The following FABP7 variants were observed in gnomAD, a reference collection of about 807,000 sequenced individuals.
The protein encoded by FABP7 is fatty acid-binding protein, brain.
FABP7 carries 13 observed loss-of-function variants against 14.2 expected under a neutral mutation model. That is an observed-to-expected ratio of 0.91 (90% confidence interval 0.59 to 1.45). The LOEUF is 1.45. FABP7 is among the 40% of genes most tolerant of loss of function. FABP7 has a pLI of 0.00. For missense variants in FABP7, 149 were observed against 157.6 expected, an observed-to-expected ratio of 0.95 and a Z score of 0.29; for synonymous variants, 49 against 51.4, an observed-to-expected ratio of 0.95 and a Z score of 0.20.
chr6:122,766,477 A>C, the FABP7 span, among the ~76,000 whole-genome samples: 1 of 152,110 alleles, frequency 6.6e-6, no homozygotes, highest in Non-Finnish European at 1.5e-5. Context: ...CAGACCTAGC[A>C]TCCCACATCC....
At chr6:122,783,416 C>T (rs181612375) in intron 3 of FABP7, 19 of 984,716 alleles carry the variant, frequency 1.9e-5, no homozygotes, top group African/African-American at 7.0e-5. Context: ...GAGAAAACAA[C>T]GTAGACACTC....
At chr6:122,774,436 A>G in the FABP7 span, among the ~76,000 whole-genome samples, 1 of 151,448 alleles carries the variant, frequency 6.6e-6, no homozygotes, top group Admixed American at 6.6e-5. Flanking sequence ...GATTTGTTAA[A>G]TGTTAAATCC....
chr6:122,781,738 C>T (rs1461388467), intron 3 of FABP7: 1 of 745,160 alleles, frequency 1.3e-6, no homozygotes, highest in East Asian at 1.8e-4. Flanking sequence ...TCAGTGATAA[C>T]CCTTTTTTTT....
At chr6:122,760,727 A>AT in the FABP7 span, among the ~76,000 whole-genome samples, 2 of 152,140 alleles carry the variant, frequency 1.3e-5, no homozygotes, top group African/African-American at 4.8e-5. Flanking sequence ...TACAAACAGC[A>AT]AATATCTTAA....
the FABP7 span, among the ~76,000 whole-genome samples, chr6:122,757,654 A>G: frequency 6.6e-6 from 1 of 151,976 alleles, no homozygotes; most frequent in African/African-American, 2.4e-5. Context: ...TGAAGTTCAG[A>G]TAAAAACAAG....
At chr6:122,781,851 A>G in intron 3 of FABP7, 3 of 447,944 alleles carry the variant, frequency 6.7e-6, no homozygotes, top group Non-Finnish European at 5.8e-6. Context: ...AAGCGATTCT[A>G]CAACCTCAGC....
the FABP7 span, among the ~76,000 whole-genome samples, chr6:122,769,279 T>C: frequency 6.6e-6 from 1 of 152,160 alleles, no homozygotes; most frequent in Non-Finnish European, 1.5e-5. Flanking sequence ...TAATTTCCTT[T>C]TATATATTAC....
chr6:122,759,654 G>A, the FABP7 span, among the ~76,000 whole-genome samples: 1 of 152,206 alleles, frequency 6.6e-6, no homozygotes, highest in Admixed American at 6.5e-5. Context: ...CTGAGGCACA[G>A]AGAAGTTAAA....
At chr6:122,766,375 G>A in the FABP7 span, among the ~76,000 whole-genome samples, 2 of 152,164 alleles carry the variant, frequency 1.3e-5, no homozygotes, top group East Asian at 1.9e-4. Context: ...AGACTGTGCA[G>A]GAAAGAAGGA....
the FABP7 span, among the ~76,000 whole-genome samples, chr6:122,763,145 A>G: frequency 2.6e-5 from 4 of 152,236 alleles, no homozygotes; most frequent in Non-Finnish European, 2.9e-5. Context: ...ACTATACTAT[A>G]AGGGTACAGT....
the FABP7 span, among the ~76,000 whole-genome samples, chr6:122,750,354 T>G: frequency 6.6e-6 from 1 of 152,172 alleles, no homozygotes; most frequent in Non-Finnish European, 1.5e-5. Flanking sequence ...GTGAAAATAT[T>G]AATAATTATT....
chr6:122,756,962 C>G, the FABP7 span, among the ~76,000 whole-genome samples: 1 of 152,096 alleles, frequency 6.6e-6, no homozygotes, highest in Non-Finnish European at 1.5e-5. Context: ...CTGGAGAGTT[C>G]CTAAGGCTCA....
At chr6:122,772,916 G>A in the FABP7 span, among the ~76,000 whole-genome samples, 2 of 151,990 alleles carry the variant, frequency 1.3e-5, no homozygotes, top group Non-Finnish European at 2.9e-5. Context: ...ATTGGTGAGG[G>A]TAGGCATGAT....
rs1465127740 is a variant in FABP7, at chr6:122,779,741, G to T, written c.-54G>T. ...GTAAAGGGTCTTCTGAGCTGCAGTG[G>T]CAATTAGACCAGAAGATCCCCGCTC... On this transcript the variant is annotated 5_prime_UTR_variant, in exon 1 of 4. Transcript: ENST00000368444. The T allele has an allele frequency of 3.2e-6, 5 of 1,551,240 alleles. No homozygotes were observed. Among genetic ancestry groups the T allele is most frequent in the Non-Finnish European group, 4.4e-6 (5 of 1,124,798 alleles).
At chr6:122,775,721 A>C (rs1356329117), upstream of FABP7, among the ~76,000 whole-genome samples, 3 of 150,922 alleles carry the variant, frequency 2.0e-5, no homozygotes, top group Non-Finnish European at 1.5e-5. Context: ...AACAAACAAA[A>C]AAATACTAAA....
At chr6:122,765,253 G>A in the FABP7 span, among the ~76,000 whole-genome samples, 1 of 152,022 alleles carries the variant, frequency 6.6e-6, no homozygotes, top group East Asian at 1.9e-4. Context: ...TTTCACTTAT[G>A]TTTTATATTT....
chr6:122,781,053 G>A (rs771417194), intron 2 of FABP7, 40 bp from the exon 3 acceptor site: 2 of 1,571,060 alleles, frequency 1.3e-6, no homozygotes, highest in Admixed American at 1.8e-5. Context: ...AATCTGAATT[G>A]TATTTATTGC....
the FABP7 span, among the ~76,000 whole-genome samples, chr6:122,773,205 T>C: frequency 2.6e-5 from 4 of 152,198 alleles, no homozygotes; most frequent in Admixed American, 6.5e-5. Context: ...TCAAAACTTA[T>C]TATGCAACCC....
At position 122,783,757 on chromosome 6, in the gene FABP7, A is replaced by G; in HGVS notation, c.389A>G (p.Glu130Gly). The G allele has an allele frequency of 6.2e-7, 1 of 1,608,790 alleles. No individual in the cohort carries two copies. Among genetic ancestry groups the G allele is most frequent in the Admixed American group, 1.7e-5 (1 of 58,682 alleles). ...FGDVVAVRHYEKA is the reference protein window; with the variant it reads ...FGDVVAVRHYGKA ...GATGTGGTTGCTGTTCGCCACTATG[A>G]GAAGGCATAAAAATGTTCCTGGTCG... The change falls in exon 4 of 4, where the codon GAG becomes GGG. Residue 130 changes from glutamate to glycine, a missense_variant. Glu to Gly is a moderately conservative substitution (Grantham distance 98). Transcript: ENST00000368444.
Sources: gnomAD v4.1 joint callset for allele counts (sites outside exome capture counted in the v4.1 genomes callset) on GRCh38, gnomAD v4.1.1 for gene constraint, MANE v1.5 for transcripts, NCBI Gene and HGNC (gene_info 2026-07-23, HGNC 2026-07-21) for gene names.